Variants in ZFP36L1 observed in about 807,000 individuals in gnomAD.
The protein encoded by ZFP36L1 is mRNA decay activator protein ZFP36L1.
In ZFP36L1, 4 loss-of-function variants were observed where a neutral mutation model predicts 16.7. The observed-to-expected ratio is 0.24, with a 90% CI of 0.12 to 0.55. ZFP36L1 has a LOEUF of 0.55. Ranked by LOEUF, ZFP36L1 falls within the 20% of genes least tolerant of loss-of-function variation. ZFP36L1 has a pLI of 0.94. For missense variants in ZFP36L1, 311 were observed against 449.2 expected, an observed-to-expected ratio of 0.69 and a Z score of 2.78; for synonymous variants, 220 against 190.8, an observed-to-expected ratio of 1.15 and a Z score of -1.26.
At chr14:68,792,240 A>G (rs1594717910) in intron 1 of ZFP36L1, among the ~76,000 whole-genome samples, 1 of 151,840 alleles carries the variant, frequency 6.6e-6, no homozygotes, top group Non-Finnish European at 1.5e-5. Flanking sequence ...AACACAGGTA[A>G]GCGGGTCAAC....
chr14:68,790,578 G>T, intron 1 of ZFP36L1, 86 bp from the exon 2 acceptor site: 2 of 1,534,472 alleles, frequency 1.3e-6, no homozygotes, highest in South Asian at 1.2e-5. Flanking sequence ...AATCACAAAC[G>T]CCCGCTCTTT....
At chr14:68,791,953 T>A (rs1435210127) in intron 1 of ZFP36L1, among the ~76,000 whole-genome samples, 1 of 152,148 alleles carries the variant, frequency 6.6e-6, no homozygotes, top group East Asian at 1.9e-4. Flanking sequence ...CTTCAGCAAT[T>A]AAAAAGTAGC....
rs1397473582 is a variant in ZFP36L1 at position 68,790,187 on chromosome 14, G to A, written c.363C>T (p.Arg121=). ...TACAGGCACCGTTTTCCTCAAAGGGGCGGCACAGCTCCGTCTTGTAGCGGC... is the reference window on the plus strand; with the variant it reads ...TACAGGCACCGTTTTCCTCAAAGGGACGGCACAGCTCCGTCTTGTAGCGGC... The part of the protein sequence containing the change: ...NSSRYKTELC[R]PFEENGACKY... The change falls in exon 2 of 2, where the codon CGC becomes CGT. Residue 121 remains arginine (R), a synonymous_variant. Transcript: ENST00000439696. 1 of 1,612,924 alleles carries A rather than the reference G, an allele frequency of 6.2e-7. No individual in the cohort carries two copies. The highest frequency in any genetic ancestry group is 1.3e-5 in the African/African-American group (1 of 74,910).
intron 1 of ZFP36L1, 141 bp from the exon 2 acceptor site, chr14:68,790,633 C>T (rs1895044476): frequency 2.5e-6 from 3 of 1,190,924 alleles, no homozygotes; most frequent in South Asian, 2.8e-5. Flanking sequence ...GCTCCCTTCC[C>T]TCTCTCCCTC....
In ZFP36L1 at chr14:68,792,903, G is replaced by A. The variant is rs1895140624; in HGVS notation, c.36C>T (p.Asp12=). The A allele has an allele frequency of 1.2e-6, 2 of 1,614,114 alleles. No homozygotes were observed. Among genetic ancestry groups the A allele is most frequent in the Non-Finnish European group, 1.7e-6 (2 of 1,180,012 alleles). Reference sequence around the variant, plus strand: ...TTACCTTGCATAAAACTTCGCTCAAGTCGAAGATGGTGGCAGACACGAGGG... The same window carrying A: ...TTACCTTGCATAAAACTTCGCTCAAATCGAAGATGGTGGCAGACACGAGGG... ...TTTLVSATIF[D]LSEVLCKGNK... Residue 12 remains aspartate (D), a synonymous_variant, in exon 1 of 2, where the codon GAC becomes GAT. Coordinates refer to ENST00000439696, the MANE Select transcript of ZFP36L1 (RefSeq NM_004926.4).
At chr14:68,790,560 C>A in intron 1 of ZFP36L1, 68 bp from the exon 2 acceptor site, 1 of 1,584,870 alleles carries the variant, frequency 6.3e-7, no homozygotes, top group Non-Finnish European at 8.6e-7. Flanking sequence ...ATGGGCAGCC[C>A]CCTACACAAT....
At position 68,790,394 on chromosome 14, in the gene ZFP36L1, C is replaced by T; in HGVS notation, c.156G>A (p.Arg52=). Residue 52 remains arginine (R), a synonymous_variant, in exon 2 of 2, where the codon AGG becomes AGA. Coordinates refer to ENST00000439696, the MANE Select transcript of ZFP36L1 (RefSeq NM_004926.4). ...TGGAGCTGGGCAGGGTGACTGAGTG[C>T]CTCCGAGGGAAGCCCCCACCAGCAG... ...GTPAGGGFPR[R]HSVTLPSSKF... is the part of the protein sequence containing the mutation. 1.2e-6 allele frequency: 2 copies of T among 1,613,796 alleles called. No homozygotes were observed. Among genetic ancestry groups the T allele is most frequent in the South Asian group, 2.2e-5 (2 of 91,062 alleles).
chr14:68,792,824 C>G (rs1249394826), intron 1 of ZFP36L1, 58 bp downstream of exon 1: 5 of 1,608,572 alleles, frequency 3.1e-6, no homozygotes, highest in East Asian at 2.2e-5. Flanking sequence ...TTTGGGGGTT[C>G]TTTCTTAAGG....
At chr14:68,793,802 G>A, upstream of ZFP36L1, 5 of 985,038 alleles carry the variant, frequency 5.1e-6, no homozygotes, top group Non-Finnish European at 6.0e-6. Context: ...CGCTGCTGGG[G>A]GGACTAGGGA....
upstream of ZFP36L1, chr14:68,796,180 G>C (rs1895252145): frequency 7.3e-7 from 1 of 1,366,672 alleles, no homozygotes; most frequent in Non-Finnish European, 9.8e-7. Flanking sequence ...CGTGGGGAGG[G>C]GCGGCCCAGG....
At chr14:68,793,220 G>T, upstream of ZFP36L1, 1 of 924,336 alleles carries the variant, frequency 1.1e-6, no homozygotes, top group South Asian at 3.4e-5. Flanking sequence ...GGGGAGGGGG[G>T]GCAGGGGGAG....
At chr14:68,795,792 CGT>C (rs1895236534), upstream of ZFP36L1, 1 of 535,136 alleles carries the variant, frequency 1.9e-6, no homozygotes, top group African/African-American at 1.9e-5. Context: ...CGGGTTGAAA[CGT>C]CATTTCGGGG....
rs552466819 is a variant in ZFP36L1, at chr14:68,791,844, C to T, written c.57+1038G>A. On this transcript the variant is annotated intron_variant, in intron 1 of 1. Transcript: ENST00000439696. Reference sequence around the variant, plus strand: ...TCAGCTCCTCGGCGTCCCTGCACCCCAACCCTGCAGCCCTGGGGCGTTGGC... The same window carrying T: ...TCAGCTCCTCGGCGTCCCTGCACCCTAACCCTGCAGCCCTGGGGCGTTGGC... Among the ~76,000 whole-genome samples, 25 of 152,282 alleles carry T rather than the reference C, an allele frequency of 1.6e-4. 1 individual carries two copies. In the South Asian group the frequency reaches 4.3e-3, roughly 26 times the overall value.
intron 1 of ZFP36L1, among the ~76,000 whole-genome samples, chr14:68,792,348 G>C (rs530265345): frequency 6.6e-6 from 1 of 152,292 alleles, no homozygotes; most frequent in Non-Finnish European, 1.5e-5. Context: ...CTGCAAACTT[G>C]TTCTGCAACA....
upstream of ZFP36L1, chr14:68,794,339 G>A (rs899641134): frequency 2.6e-5 from 4 of 152,214 alleles, no homozygotes; most frequent in African/African-American, 9.7e-5. Context: ...AGGGGGACAT[G>A]GGAGCCACGA....
In ZFP36L1 at chr14:68,790,569, A is replaced by G. The variant is rs184744714; in HGVS notation, c.58-77T>C. 1.4e-4 allele frequency: 222 copies of G among 1,558,650 alleles called. 3 individuals are homozygous for G. The Admixed American group carries it at 3.9e-3, about 27-fold the overall frequency. On this transcript the variant is annotated intron_variant, in intron 1 of 1. Coordinates refer to ENST00000439696, the MANE Select transcript of ZFP36L1 (RefSeq NM_004926.4). ...TCCACTATGGGCAGCCCCCTACACA[A>G]TCACAAACGCCCGCTCTTTCTCAAA...
intron 1 of ZFP36L1, among the ~76,000 whole-genome samples, chr14:68,792,548 C>T (rs1895117628): frequency 1.3e-5 from 2 of 152,276 alleles, no homozygotes; most frequent in East Asian, 1.9e-4. Context: ...AACCTGGGAT[C>T]CAGCAGCACG....
Position 68,789,608 on chromosome 14 carries a change from A to G in ZFP36L1, c.942T>C (p.Ser314=). The change falls in exon 2 of 2, where the codon AGT becomes AGC. Residue 314 remains serine (S), a synonymous_variant. Transcript: ENST00000439696. The surrounding 1 kb of genome is among the most constrained non-coding windows in gnomAD (Gnocchi z 4.5). ...GYLSSSSSSH[S]GSDSPTLDNS... ...TGTCCAAGGTCGGGGAGTCTGAGCC[A>G]CTGTGGCTGCTGCTGGAGCTGCTCA... 1 of 1,613,716 alleles carries G rather than the reference A, an allele frequency of 6.2e-7. No homozygotes were observed. Among genetic ancestry groups the G allele is most frequent in the Non-Finnish European group, 8.5e-7 (1 of 1,179,816 alleles).
intron 1 of ZFP36L1, chr14:68,791,025 T>C (rs1385469274): frequency 4.3e-6 from 3 of 701,964 alleles, no homozygotes; most frequent in African/African-American, 3.5e-5. Flanking sequence ...AGTGTTCCCT[T>C]CCTTTGGCAA....
Sources: gnomAD v4.1 joint callset for allele counts (sites outside exome capture counted in the v4.1 genomes callset) on GRCh38, gnomAD v4.1.1 for gene constraint, Gnocchi (gnomAD v3.1) non-coding constraint, MANE v1.5 for transcripts, NCBI Gene and HGNC (gene_info 2026-07-23, HGNC 2026-07-21) for gene names.